AUTS2: variants seen among roughly 807,000 people sequenced by gnomAD.
The protein encoded by AUTS2 is activator of transcription and developmental regulator AUTS2, also known as autism susceptibility gene 2 protein.
Under a neutral mutation model 112.4 loss-of-function variants are expected in AUTS2, and 17 were observed. The observed-to-expected ratio is 0.15, with a 90% CI of 0.10 to 0.23. The LOEUF is 0.23. Ranked by LOEUF, AUTS2 falls within the 10% of genes least tolerant of loss-of-function variation. The pLI, the probability that AUTS2 is intolerant of heterozygous loss-of-function variation, is 1.00. For synonymous variants in AUTS2, 751 were observed against 702.7 expected (o/e 1.07, Z -1.09); for missense variants, 1,510 against 1,701.6 (o/e 0.89, Z 1.98).
At chr7:70,307,223 A>C (rs1472558763) in intron 4 of AUTS2, among the ~76,000 whole-genome samples, 1 of 152,212 alleles carries the variant, frequency 6.6e-6, no homozygotes, top group Admixed American at 6.5e-5. Context: ...TTCAGGATTT[A>C]ATGGTGTTCC....
intron 1 of AUTS2, among the ~76,000 whole-genome samples, chr7:69,615,635 C>T (rs1219139166): frequency 6.6e-6 from 1 of 152,180 alleles, no homozygotes; most frequent in African/African-American, 2.4e-5. Context: ...ATTTCTACAT[C>T]TGCTGCCCAT....
intron 2 of AUTS2, among the ~76,000 whole-genome samples, chr7:70,057,198 C>T (rs1026905423): frequency 6.6e-6 from 1 of 152,126 alleles, no homozygotes; most frequent in Non-Finnish European, 1.5e-5. Context: ...ATCCTTGCGG[C>T]TCTGCTTGAA....
At position 70,787,141 on chromosome 7, in the gene AUTS2, A is replaced by G. The variant is rs536039699; in HGVS notation, c.2309-68A>G. 9.4e-6 allele frequency: 14 copies of G among 1,481,786 alleles called. No individual in the cohort carries two copies. In the South Asian group the frequency reaches 1.5e-4, roughly 16 times the overall value. The allele number at this position is 1,481,786 out of a possible 1,614,324, so 91.8% of individuals were successfully genotyped here. A position where few individuals can be genotyped will look rare whatever the true frequency, so the allele number is the denominator to read the frequency against. On this transcript the variant is annotated intron_variant, in intron 17 of 18. Coordinates refer to ENST00000342771, the MANE Select transcript of AUTS2 (RefSeq NM_015570.4). ...GAATGCTGTTAAAAGTTTTTTGGTA[A>G]GTACCTTCATTACAGCAGATTATAT...
chr7:70,685,494 G>A (rs75794986), intron 5 of AUTS2, among the ~76,000 whole-genome samples: 45 of 125,802 alleles, frequency 3.6e-4, no homozygotes, highest in African/African-American at 8.6e-4. Flanking sequence ...AAAAAAAAAA[G>A]AAGAAGAAAA....
chr7:69,931,575 C>T (rs1796229931), intron 2 of AUTS2, among the ~76,000 whole-genome samples: 3 of 152,078 alleles, frequency 2.0e-5, no homozygotes, highest in African/African-American at 7.2e-5. Context: ...AGGTGCAAGA[C>T]TTATTGGATC....
intron 5 of AUTS2, among the ~76,000 whole-genome samples, chr7:70,697,112 A>AT (rs1295609880): frequency 6.6e-6 from 1 of 152,076 alleles, no homozygotes; most frequent in African/African-American, 2.4e-5. Flanking sequence ...TCTAGGTATG[A>AT]CTTGTTTCTC....
At chr7:70,060,606 C>T (rs981607179) in intron 2 of AUTS2, among the ~76,000 whole-genome samples, 3 of 152,178 alleles carry the variant, frequency 2.0e-5, no homozygotes, top group Non-Finnish European at 2.9e-5. Context: ...ACAGATACAG[C>T]TTATGTAATC....
At chr7:70,129,288 G>A (rs1210754381) in intron 3 of AUTS2, among the ~76,000 whole-genome samples, 2 of 152,188 alleles carry the variant, frequency 1.3e-5, no homozygotes, top group African/African-American at 4.8e-5. Flanking sequence ...TCAAAGCCAG[G>A]CAAAAGGAAT....
rs113690094 is a variant in AUTS2 at position 70,741,691 on chromosome 7, C to CA, written c.743-21167dup. Reference sequence around the variant, plus strand: ...GAGCAACAAGAGTGAAACTCTATCTCAAAAAAAAAAAAGAAAGAAAAAAAA... The same window carrying CA: ...GAGCAACAAGAGTGAAACTCTATCTCAAAAAAAAAAAAAGAAAGAAAAAAAA... On this transcript the variant is annotated intron_variant, in intron 6 of 18. Transcript: ENST00000342771. 2.3e-3 allele frequency among the ~76,000 whole-genome samples: 261 copies of CA among 114,828 alleles called. 3 individuals are homozygous for CA. The South Asian group carries it at 0.031, about 14-fold the overall frequency. The allele number at this position is 114,828 out of a possible 152,430, so 75.3% of individuals were successfully genotyped here. A position where few individuals can be genotyped will look rare whatever the true frequency, so the allele number is the denominator to read the frequency against.
At chr7:70,575,983 C>T (rs1802147676) in intron 5 of AUTS2, among the ~76,000 whole-genome samples, 2 of 152,110 alleles carry the variant, frequency 1.3e-5, no homozygotes, top group African/African-American at 4.8e-5. Context: ...AGGTAGTTGG[C>T]AGGTGGTGGT....
chr7:69,917,817 A>G (rs1267285743), intron 2 of AUTS2, among the ~76,000 whole-genome samples: 1 of 143,970 alleles, frequency 6.9e-6, no homozygotes, highest in Admixed American at 6.9e-5. Flanking sequence ...ATTTCCAAGG[A>G]CACCTTTGTT....
intron 5 of AUTS2, among the ~76,000 whole-genome samples, chr7:70,454,519 A>G (rs1433774050): frequency 1.3e-5 from 2 of 152,132 alleles, no homozygotes; most frequent in Non-Finnish European, 2.9e-5. Flanking sequence ...CCTGGGTAAC[A>G]AGAGTGAAAC....
chr7:70,044,149 C>T (rs1256226146), intron 2 of AUTS2, among the ~76,000 whole-genome samples: 2 of 152,168 alleles, frequency 1.3e-5, no homozygotes, highest in East Asian at 3.9e-4. Flanking sequence ...CAGCACAGCC[C>T]CTCCTCCTGC....
chr7:70,035,364 G>C (rs1012937721), intron 2 of AUTS2, among the ~76,000 whole-genome samples: 19 of 152,184 alleles, frequency 1.2e-4, no homozygotes, highest in Non-Finnish European at 2.6e-4. Context: ...TCAGGATTAG[G>C]CAAAGTACTT....
Position 69,684,561 on chromosome 7 carries a change from C to A in AUTS2, c.309+84599C>A, listed in dbSNP as rs550637447. Among the ~76,000 whole-genome samples the A allele has an allele frequency of 3.9e-5, 6 of 152,318 alleles. No individual in the cohort carries two copies. In the South Asian group the frequency reaches 1.2e-3, roughly 32 times the overall value. ...GCGCCTCTGAGCCGGGTGTAGCTTG[C>A]AGCCAGTACATCAGAGCTCCAGTAT... On this transcript the variant is annotated intron_variant, in intron 1 of 18. Transcript: ENST00000342771.
At chr7:69,652,715 T>C (rs1795349743) in intron 1 of AUTS2, among the ~76,000 whole-genome samples, 1 of 152,016 alleles carries the variant, frequency 6.6e-6, no homozygotes, top group Non-Finnish European at 1.5e-5. Flanking sequence ...TAATGTCTTT[T>C]GAAAAAAAGG....
chr7:69,825,539 T>C (rs1791202030), intron 1 of AUTS2, among the ~76,000 whole-genome samples: 1 of 152,106 alleles, frequency 6.6e-6, no homozygotes, highest in South Asian at 2.1e-4. Context: ...AGCCATGCGG[T>C]TGTATTTGGG....
intron 5 of AUTS2, among the ~76,000 whole-genome samples, chr7:70,646,562 G>A (rs1004845511): frequency 3.3e-5 from 5 of 152,224 alleles, no homozygotes; most frequent in Admixed American, 6.5e-5. Context: ...GAGCCAGCCC[G>A]CTGGAGGGGA....
chr7:70,489,822 G>A (rs529371790), intron 5 of AUTS2, among the ~76,000 whole-genome samples: 4 of 152,170 alleles, frequency 2.6e-5, no homozygotes, highest in Non-Finnish European at 5.9e-5. Context: ...GCTGAGCTGT[G>A]AAGCTAGAAG....
Sources: gnomAD v4.1 joint callset for allele counts (sites outside exome capture counted in the v4.1 genomes callset) on GRCh38, gnomAD v4.1.1 for gene constraint, MANE v1.5 for transcripts, NCBI Gene and HGNC (gene_info 2026-07-23, HGNC 2026-07-21) for gene names.